The following DOCK8 variants were observed in gnomAD, a reference collection of about 807,000 sequenced individuals.
The protein encoded by DOCK8 is dedicator of cytokinesis protein 8.
DOCK8 carries 141 observed loss-of-function variants against 245.6 expected under a neutral mutation model. The ratio of observed to expected loss-of-function variants is 0.57; its 90% CI spans 0.50 to 0.66. The LOEUF (loss-of-function observed/expected upper bound fraction) is 0.66. DOCK8 is among the 30% of genes least tolerant of loss of function. The pLI is 0.00. For missense variants in DOCK8, 2,965 were observed against 2,603.4 expected, an observed-to-expected ratio of 1.14 and a Z score of -3.02; for synonymous variants, 1,168 against 970.2, an observed-to-expected ratio of 1.20 and a Z score of -3.79.
In DOCK8 at chr9:368,083, T is replaced by C; in HGVS notation, c.1745T>C (p.Ile582Thr). Residue 582 changes from isoleucine (I) to threonine (T), a missense_variant, in exon 15 of 48, where the codon ATT (isoleucine) becomes ACT (threonine). By Grantham distance (89) the Ile-to-Thr change is moderately conservative (BLOSUM62 -1). Transcript: ENST00000432829. ...FVNKLASARN[I>T]TIKIQFMCGE... The stretch of plus-strand genomic sequence containing the variant: ...AACAAACTAGCATCAGCCCGGAACA[T>C]TACAATAAAGATCCAGTTTATGTGT... The C allele has an allele frequency of 6.2e-7, 1 of 1,614,158 alleles. No individual in the cohort carries two copies. Among genetic ancestry groups the C allele is most frequent in the Non-Finnish European group, 8.5e-7 (1 of 1,180,016 alleles).
Position 356,911 on chromosome 9 carries a change from A to AT in DOCK8, c.1680-11096dup, listed in dbSNP as rs940558869. Reference sequence around the variant, plus strand: ...ATTTTCAATCAGGATCGGGGAGAGAATTTTTTTTTTTCTTAAAGCAGTTAG... The same window carrying AT: ...ATTTTCAATCAGGATCGGGGAGAGAATTTTTTTTTTTTCTTAAAGCAGTTAG... On this transcript the variant is annotated intron_variant, in intron 14 of 47. Transcript: ENST00000432829. Among the ~76,000 whole-genome samples the AT allele has an allele frequency of 2.6e-4, 39 of 150,108 alleles. 1 individual carries two copies. Among genetic ancestry groups the AT allele is most frequent in the Admixed American group, 1.1e-3 (16 of 15,032 alleles).
rs115989231 is a variant in DOCK8, at chr9:240,439, A to T, written c.53+25410A>T. Among the ~76,000 whole-genome samples, 424 of 151,934 alleles carry T rather than the reference A, an allele frequency of 2.8e-3. 4 individuals carry two copies. The highest frequency in any genetic ancestry group is 9.7e-3 in the African/African-American group (403 of 41,422). On this transcript the variant is annotated intron_variant, in intron 1 of 47. Transcript: ENST00000432829. The stretch of plus-strand genomic sequence containing the variant: ...CTTGGTCCTATTTGAGGCCATCTTC[A>T]TATGCACTACCAATATTTCCAGCTA...
chr9:293,063 C>T (rs2049110749), intron 4 of DOCK8, among the ~76,000 whole-genome samples: 1 of 152,166 alleles, frequency 6.6e-6, no homozygotes, highest in African/African-American at 2.4e-5. Context: ...GATGGGATTA[C>T]CATTGGCCCA....
intron 26 of DOCK8, 105 bp downstream of exon 26, chr9:399,364 G>C: frequency 1.2e-6 from 1 of 843,366 alleles, no homozygotes; most frequent in Non-Finnish European, 2.0e-6. Flanking sequence ...TACTGAGTTG[G>C]CATGAATCCT....
intron 7 of DOCK8, among the ~76,000 whole-genome samples, chr9:319,223 C>T (rs2050478404): frequency 1.3e-5 from 2 of 152,132 alleles, no homozygotes; most frequent in Non-Finnish European, 2.9e-5. Flanking sequence ...TTCAAGGCTG[C>T]AGTGAGCTAT....
intron 2 of DOCK8, 58 bp downstream of exon 2, chr9:271,787 A>G: frequency 8.2e-7 from 1 of 1,220,802 alleles, no homozygotes; most frequent in Admixed American, 2.1e-5. Flanking sequence ...TGCCCAGGGT[A>G]TGTGTTTGCC....
At position 396,372 on chromosome 9, in the gene DOCK8, T is replaced by C. The variant is rs1051777641; in HGVS notation, c.2971-413T>C. ...GTAGTTTCAGGAACAGAAAAGACTT[T>C]AGTTCGCATCAAGAACCTTGTGATA... On this transcript the variant is annotated intron_variant, in intron 24 of 47. Transcript: ENST00000432829. Among the ~76,000 whole-genome samples the C allele has an allele frequency of 3.3e-5, 5 of 152,316 alleles. 1 individual carries two copies. The highest frequency in any genetic ancestry group is 2.1e-4 in the South Asian group (1 of 4,826).
At chr9:295,679 A>G (rs1305947391) in intron 4 of DOCK8, among the ~76,000 whole-genome samples, 2 of 152,312 alleles carry the variant, frequency 1.3e-5, no homozygotes, top group Non-Finnish European at 2.9e-5. Context: ...TGATTTAGTT[A>G]GCTCCTTTAT....
In DOCK8 at chr9:379,931, G is replaced by C; in HGVS notation, c.2601G>C (p.Lys867Asn). The C allele has an allele frequency of 1.2e-6, 2 of 1,613,772 alleles. No individual in the cohort carries two copies. Among genetic ancestry groups the C allele is most frequent in the Non-Finnish European group, 1.7e-6 (2 of 1,179,952 alleles). The change falls in exon 21 of 48, where the codon AAG becomes AAC. Residue 867 changes from lysine (K) to asparagine (N), a missense_variant. Around this residue, in one of 3 missense-constraint regions of DOCK8, gnomAD observed 2,825 missense variants for 2,453.5 expected, o/e 1.15. Transcript: ENST00000432829. ...RLPEVQRDVPKSGAPTALLDP... is the reference protein window; with the variant it reads ...RLPEVQRDVPNSGAPTALLDP... ...CAGAGGTGCAAAGGGATGTGCCCAA[G>C]TCAGGTAGAGTTGCCCTGAGTGTGG...
chr9:377,015 C>T lies in DOCK8; in HGVS notation c.2244C>T (p.Ser748=), dbSNP rs752566828. 1.9e-6 allele frequency: 3 copies of T among 1,614,092 alleles called. No homozygotes were observed. Among genetic ancestry groups the T allele is most frequent in the Non-Finnish European group, 2.5e-6 (3 of 1,180,006 alleles). ...HLEKFFTLCH[S]LESQVTFPIR... is the part of the protein sequence containing the mutation. ...AGAAGTTCTTCACCCTCTGCCACTCCCTGGAGAGCCAGGTGACCTTCCCCA... is the reference window on the plus strand; with the variant it reads ...AGAAGTTCTTCACCCTCTGCCACTCTCTGGAGAGCCAGGTGACCTTCCCCA... Residue 748 remains serine, a synonymous_variant, in exon 20 of 48, where the codon TCC becomes TCT. Transcript: ENST00000432829.
chr9:238,923 C>G (rs2047321105), intron 1 of DOCK8, among the ~76,000 whole-genome samples: 2 of 151,654 alleles, frequency 1.3e-5, no homozygotes, highest in Admixed American at 1.3e-4. Flanking sequence ...GGCCAGGACG[C>G]CATCCTATCA....
chr9:301,125 T>C (rs1357343139), intron 4 of DOCK8, among the ~76,000 whole-genome samples: 2 of 152,104 alleles, frequency 1.3e-5, no homozygotes, highest in East Asian at 3.8e-4. Flanking sequence ...CAGCAGCACA[T>C]TGAAAAGTTA....
chr9:215,495 G>A (rs1291041611), intron 1 of DOCK8: 5 of 1,446,482 alleles, frequency 3.5e-6, no homozygotes, highest in Admixed American at 2.8e-5. Flanking sequence ...GCCTTCTGTC[G>A]TCCTGAGCAA....
At chr9:233,188 T>G (rs979977445) in intron 1 of DOCK8, among the ~76,000 whole-genome samples, 1 of 152,220 alleles carries the variant, frequency 6.6e-6, no homozygotes, top group African/African-American at 2.4e-5. Context: ...TTGTTCAGTT[T>G]CCATGTAGTT....
chr9:226,319 A>G (rs1360542591), intron 1 of DOCK8, among the ~76,000 whole-genome samples: 3 of 152,186 alleles, frequency 2.0e-5, no homozygotes, highest in Admixed American at 2.0e-4. Flanking sequence ...TGATTCAATT[A>G]TCTCGCACAA....
chr9:225,134 A>C (rs1277485526), intron 1 of DOCK8, among the ~76,000 whole-genome samples: 1 of 151,758 alleles, frequency 6.6e-6, no homozygotes, highest in African/African-American at 2.4e-5. Flanking sequence ...TCAAAACACA[A>C]ACAGACAAGC....
intron 14 of DOCK8, among the ~76,000 whole-genome samples, chr9:341,537 G>T (rs941293564): frequency 6.6e-6 from 1 of 152,144 alleles, no homozygotes; most frequent in Non-Finnish European, 1.5e-5. Flanking sequence ...TTTATCCCCA[G>T]TCTCCAGTCA....
intron 39 of DOCK8, among the ~76,000 whole-genome samples, chr9:437,096 C>G (rs1201478020): frequency 6.6e-6 from 1 of 152,110 alleles, no homozygotes; most frequent in Non-Finnish European, 1.5e-5. Flanking sequence ...TGGGACATAC[C>G]AAATCAATTT....
At chr9:267,914 T>C (rs2048071861) in intron 1 of DOCK8, 1 of 152,230 alleles carries the variant, frequency 6.6e-6, no homozygotes, top group South Asian at 2.1e-4. Context: ...CCACGGTGTA[T>C]ATTTCCCAAA....
Sources: gnomAD v4.1 joint callset for allele counts (sites outside exome capture counted in the v4.1 genomes callset) on GRCh38, gnomAD v4.1.1 for gene constraint, gnomAD v4.1.1 regional missense constraint, MANE v1.5 for transcripts, NCBI Gene and HGNC (gene_info 2026-07-23, HGNC 2026-07-21) for gene names.